Variants in RECQL observed in about 807,000 individuals in gnomAD.
The protein encoded by RECQL is RecQ like helicase.
Under a neutral mutation model 75.8 loss-of-function variants are expected in RECQL, and 73 were observed. The observed-to-expected ratio is 0.96, with a 90% confidence interval of 0.80 to 1.17. RECQL has a LOEUF of 1.17. Ranked by LOEUF, RECQL falls within the 50% of genes most tolerant of loss-of-function variation. The pLI is 0.00. For synonymous variants in RECQL, 248 were observed against 254.4 expected, an observed-to-expected ratio of 0.97 and a Z score of 0.24; for missense variants, 699 against 772.1, an observed-to-expected ratio of 0.91 and a Z score of 1.12.
rs1943381725 is a variant in RECQL, at chr12:21,490,182, A to AT, written c.394+16dup. ...AAAGCACTTCTTCAACTCAAAATTA[A>AT]TTTTTTTAGTACATACCATCTGAAC... On this transcript the variant is annotated intron_variant, in intron 4 of 14. Transcript: ENST00000444129. 10 of 1,503,800 alleles carry AT rather than the reference A, an allele frequency of 6.6e-6. No homozygotes were observed. The Admixed American group carries it at 1.3e-4, about 20-fold the overall frequency. The allele number at this position is 1,503,800 out of a possible 1,614,324, so 93.2% of individuals were successfully genotyped here. A position where few individuals can be genotyped will look rare whatever the true frequency, so the allele number is the denominator to read the frequency against.
At chr12:21,479,256 T>G (rs559926302) in intron 6 of RECQL, among the ~76,000 whole-genome samples, 1 of 152,156 alleles carries the variant, frequency 6.6e-6, no homozygotes, top group Non-Finnish European at 1.5e-5. Flanking sequence ...GACACTGTTA[T>G]GTACAAGGCA....
intron 2 of RECQL, among the ~76,000 whole-genome samples, chr12:21,493,226 T>C (rs1251581795): frequency 6.6e-6 from 1 of 152,176 alleles, no homozygotes; most frequent in Non-Finnish European, 1.5e-5. Flanking sequence ...CTGTTTCCAC[T>C]GATAAAGGGA....
At chr12:21,470,740 C>A (rs1942929580) in intron 14 of RECQL, 2 of 352,330 alleles carry the variant, frequency 5.7e-6, no homozygotes, top group Non-Finnish European at 9.9e-6. Context: ...GGAGTCCTCC[C>A]ATTCCAAGAA....
chr12:21,470,796 C>G (rs1942931356), intron 14 of RECQL, 173 bp downstream of exon 14: 1 of 437,702 alleles, frequency 2.3e-6, no homozygotes, highest in African/African-American at 2.1e-5. Context: ...TAAATTCTTT[C>G]ACTTACATCT....
intron 2 of RECQL, among the ~76,000 whole-genome samples, chr12:21,492,026 A>G (rs1362721869): frequency 1.3e-5 from 2 of 152,232 alleles, no homozygotes; most frequent in African/African-American, 4.8e-5. Context: ...TAGGAGTTCT[A>G]GACGCAGTAC....
At chr12:21,500,026 T>A (rs996305438) in intron 1 of RECQL, among the ~76,000 whole-genome samples, 5 of 151,372 alleles carry the variant, frequency 3.3e-5, no homozygotes, top group Non-Finnish European at 7.4e-5. Context: ...CATATGCTGT[T>A]CCTCCAAGCC....
chr12:21,491,106 C>G (rs1252893266), intron 3 of RECQL, among the ~76,000 whole-genome samples: 1 of 152,074 alleles, frequency 6.6e-6, no homozygotes, highest in Admixed American at 6.6e-5. Context: ...TAGAGTTATT[C>G]TAATTATTCT....
chr12:21,477,984 A>G lies in RECQL; in HGVS notation c.701-15T>C. The G allele has an allele frequency of 6.3e-7, 1 of 1,588,492 alleles. No individual in the cohort carries two copies. Among genetic ancestry groups the G allele is most frequent in the Non-Finnish European group, 8.5e-7 (1 of 1,169,946 alleles). On this transcript the variant is annotated splice_polypyrimidine_tract_variant and intron_variant, in intron 6 of 14. Transcript: ENST00000444129. ...TGCCTTATAATCTGAAAAAACAAAC[A>G]AAGTGGCCCTTTTTCTATCCTTTAA...
At position 21,474,129 on chromosome 12, in the gene RECQL, A is replaced by G. The variant is rs112236731; in HGVS notation, c.1356-487T>C. ...CAACTATTAGGAGAATATTCTTGAC[A>G]GTAAAATAGTTTCTTATATTTTAAT... is the stretch of plus-strand genomic sequence containing the variant. On this transcript the variant is annotated intron_variant, in intron 11 of 14. Coordinates refer to ENST00000444129, the MANE Select transcript of RECQL (RefSeq NM_002907.4). Among the ~76,000 whole-genome samples, 163 of 152,236 alleles carry G rather than the reference A, an allele frequency of 1.1e-3. 1 individual carries two copies. Among genetic ancestry groups the G allele is most frequent in the African/African-American group, 3.6e-3 (150 of 41,576 alleles).
At chr12:21,495,600 AAAAG>A (rs944443178) in intron 2 of RECQL, among the ~76,000 whole-genome samples, 1 of 152,140 alleles carries the variant, frequency 6.6e-6, no homozygotes, top group Admixed American at 6.5e-5. Context: ...GTCCAAAAAA[AAAAG>A]AAAGAAAAAG....
rs2137317509 is a variant in RECQL, at chr12:21,471,624, CTGTTA to C, written c.1466_1470del (p.Ile489ArgfsTer18). The stretch of plus-strand genomic sequence containing the variant: ...ATCTTGATTAGATCTCTGCAGTACT[CTGTTA>C]TGTTCTTTCTTTCAAATGCTGTAAT... On this transcript the variant is annotated frameshift_variant, in exon 13 of 15. Transcript: ENST00000444129. LOFTEE classifies it high-confidence loss of function. 5.6e-6 allele frequency: 9 copies of C among 1,612,468 alleles called. No homozygotes were observed. The highest frequency in any genetic ancestry group is 2.2e-5 in the South Asian group (2 of 91,024).
chr12:21,476,785 A>G, intron 8 of RECQL, 126 bp downstream of exon 8: 1 of 498,132 alleles, frequency 2.0e-6, no homozygotes, highest in Non-Finnish European at 3.5e-6. Flanking sequence ...ACGTATTTTC[A>G]AGTATCTTCT....
At chr12:21,497,988 GAT>G (rs1203148693) in intron 2 of RECQL, among the ~76,000 whole-genome samples, 1 of 152,138 alleles carries the variant, frequency 6.6e-6, no homozygotes, top group Non-Finnish European at 1.5e-5. Context: ...GCTTACTCCG[GAT>G]ATGAATTTAC....
In RECQL at chr12:21,468,920, ATCAGT is replaced by A; in HGVS notation, c.*1269_*1273del. The A allele has an allele frequency of 1.5e-6, 1 of 660,254 alleles. No individual in the cohort carries two copies. The highest frequency in any genetic ancestry group is 3.1e-5 in the East Asian group (1 of 32,416). The allele number at this position is 660,254 out of a possible 1,614,324, so 40.9% of individuals were successfully genotyped here. A position where few individuals can be genotyped will look rare whatever the true frequency, so the allele number is the denominator to read the frequency against. The stretch of plus-strand genomic sequence containing the variant: ...TAAAAACATAAATTCTAAGTTTGAA[ATCAGT>A]TCAAAGTTTATTTATAGATATATCT... On this transcript the variant is annotated 3_prime_UTR_variant, in exon 15 of 15. Coordinates refer to ENST00000444129, the MANE Select transcript of RECQL (RefSeq NM_002907.4).
At chr12:21,493,524 G>C (rs928173665) in intron 2 of RECQL, among the ~76,000 whole-genome samples, 3 of 152,168 alleles carry the variant, frequency 2.0e-5, no homozygotes, top group Admixed American at 6.5e-5. Flanking sequence ...AAAAATAGCT[G>C]TAAGTCTAAA....
rs1459711663 is a variant in RECQL at position 21,477,926 on chromosome 12, T to G, written c.744A>C (p.Ala248=). 1.2e-6 allele frequency: 2 copies of G among 1,613,402 alleles called. No individual in the cohort carries two copies. The highest frequency in any genetic ancestry group is 1.7e-6 in the Non-Finnish European group (2 of 1,179,780). The change falls in exon 7 of 15, where the codon GCA becomes GCC. Residue 248 remains alanine, a synonymous_variant. Transcript: ENST00000444129. ...LGILKRQFPN[A]SLIGLTATAT... ...CAGTTGCAGTCAGCCCAATTAGTGA[T>G]GCGTTAGGGAACTGCCGCTTTAAGA...
intron 11 of RECQL, 116 bp from the exon 12 acceptor site, chr12:21,473,758 A>G: frequency 2.6e-6 from 2 of 770,738 alleles, no homozygotes; most frequent in Non-Finnish European, 4.2e-6. Context: ...CCATAATATT[A>G]CCATAAACTT....
At chr12:21,483,342 A>C (rs765563970) in intron 6 of RECQL, 34 bp downstream of exon 6, 1 of 1,429,434 alleles carries the variant, frequency 7.0e-7, no homozygotes, top group Admixed American at 1.9e-5. Flanking sequence ...ACGGTCTATG[A>C]CATCAAAAAG....
At chr12:21,491,796 C>T in intron 2 of RECQL, 80 bp from the exon 3 acceptor site, 3 of 1,245,588 alleles carry the variant, frequency 2.4e-6, no homozygotes, top group Non-Finnish European at 3.3e-6. Flanking sequence ...CTGGGTGTTG[C>T]CCGCCATATC....
Sources: gnomAD v4.1 joint callset for allele counts (sites outside exome capture counted in the v4.1 genomes callset) on GRCh38, gnomAD v4.1.1 for gene constraint, MANE v1.5 for transcripts, NCBI Gene and HGNC (gene_info 2026-07-23, HGNC 2026-07-21) for gene names.